PPP1R21: variants seen among roughly 807,000 people sequenced by gnomAD.
PPP1R21 encodes the protein protein phosphatase 1 regulatory subunit 21, also known as KLRAQ motif containing 1.
Under a neutral mutation model 112.8 loss-of-function variants are expected in PPP1R21, and 85 were observed. The ratio of observed to expected loss-of-function variants is 0.75; its 90% CI spans 0.63 to 0.90. The LOEUF (loss-of-function observed/expected upper bound fraction) is 0.90. PPP1R21 is among the 40% of genes least tolerant of loss of function. The pLI is 0.00. For synonymous variants in PPP1R21, 381 were observed against 322.3 expected (o/e 1.18, Z -1.95); for missense variants, 1,199 against 901.5 (o/e 1.33, Z -4.23).
chr2:48,480,391 C>G (rs1191586172), intron 13 of PPP1R21, among the ~76,000 whole-genome samples: 1 of 152,222 alleles, frequency 6.6e-6, no homozygotes, highest in Non-Finnish European at 1.5e-5. Context: ...ACCAAGGCTT[C>G]AAGTCCCCAG....
In PPP1R21 at chr2:48,474,584, C is replaced by T. The variant is rs541243936; in HGVS notation, c.1089-99C>T. On this transcript the variant is annotated intron_variant, in intron 11 of 21. Coordinates refer to ENST00000294952, the MANE Select transcript of PPP1R21 (RefSeq NM_001135629.3). ...GATCAAATTCTTTTTTCTGCAATAT[C>T]TCTCTTTGGATATAGTTGTTTGAGA... The T allele has an allele frequency of 5.2e-5, 56 of 1,076,536 alleles. No individual in the cohort carries two copies. In the East Asian group the frequency reaches 1.3e-3, roughly 25 times the overall value. The allele number at this position is 1,076,536 out of a possible 1,614,324, so 66.7% of individuals were successfully genotyped here.
At chr2:48,478,015 A>G (rs1365753570) in intron 12 of PPP1R21, among the ~76,000 whole-genome samples, 1 of 152,256 alleles carries the variant, frequency 6.6e-6, no homozygotes, top group Non-Finnish European at 1.5e-5. Context: ...AGAGACACAC[A>G]GAATCTGGAG....
chr2:48,504,935 A>G (rs561735887), intron 17 of PPP1R21, among the ~76,000 whole-genome samples: 53 of 152,306 alleles, frequency 3.5e-4, no homozygotes, highest in African/African-American at 1.3e-3. Flanking sequence ...TTGACGCTGC[A>G]GTAAGCTATG....
chr2:48,514,399 ACT>A (rs1670779508), intron 21 of PPP1R21, among the ~76,000 whole-genome samples: 1 of 151,630 alleles, frequency 6.6e-6, no homozygotes, highest in Non-Finnish European at 1.5e-5. Context: ...GAAATCTTAG[ACT>A]CTCTTGTCTT....
At position 48,495,235 on chromosome 2, in the gene PPP1R21, GCT is replaced by G. The variant is rs1385874187; in HGVS notation, c.1600-441_1600-440del. Among the ~76,000 whole-genome samples, 4 of 151,368 alleles carry G rather than the reference GCT, an allele frequency of 2.6e-5. No individual in the cohort carries two copies. In the East Asian group the frequency reaches 7.8e-4, roughly 29 times the overall value. On this transcript the variant is annotated intron_variant, in intron 15 of 21. Transcript: ENST00000294952. ...TTTTTTCTTTTTGAGACGGAGTCTCGCTCTGTTGTCCAGGCTAGAGTGCAATG... is the reference window on the plus strand; with the variant it reads ...TTTTTTCTTTTTGAGACGGAGTCTCGCTGTTGTCCAGGCTAGAGTGCAATG...
At chr2:48,489,128 C>G (rs376262383) in intron 14 of PPP1R21, among the ~76,000 whole-genome samples, 2 of 152,168 alleles carry the variant, frequency 1.3e-5, no homozygotes, top group South Asian at 4.1e-4. Context: ...GTAGAATACT[C>G]TGTTTTACAG....
intron 11 of PPP1R21, among the ~76,000 whole-genome samples, chr2:48,473,128 ATCT>A (rs1296108777): frequency 1.3e-5 from 2 of 151,684 alleles, no homozygotes; most frequent in African/African-American, 2.4e-5. Flanking sequence ...ATTAAGAGAC[ATCT>A]TCTTTCCTAA....
intron 14 of PPP1R21, among the ~76,000 whole-genome samples, chr2:48,488,593 A>G (rs1572876748): frequency 6.6e-6 from 1 of 152,258 alleles, no homozygotes; most frequent in Non-Finnish European, 1.5e-5. Context: ...GATGGTCTCA[A>G]TCTCCTGAGA....
intron 3 of PPP1R21, among the ~76,000 whole-genome samples, chr2:48,457,054 A>C (rs1020642964): frequency 2.0e-5 from 3 of 151,986 alleles, no homozygotes; most frequent in African/African-American, 4.8e-5. Context: ...TCCCTCTCAA[A>C]AAAAAAAAGA....
At chr2:48,443,747 A>G (rs1263985730) in intron 1 of PPP1R21, among the ~76,000 whole-genome samples, 1 of 152,206 alleles carries the variant, frequency 6.6e-6, no homozygotes, top group Non-Finnish European at 1.5e-5. Flanking sequence ...TCTAGATAAG[A>G]TCTATGCTCT....
intron 9 of PPP1R21, among the ~76,000 whole-genome samples, chr2:48,469,322 TATATATATAGAGCATATATATATATAGCA>T (rs1668361733): frequency 3.6e-5 from 1 of 27,508 alleles, no homozygotes; most frequent in African/African-American, 2.3e-4. Context: ...CACACACACA[TATATATATAGAGCATATATATATATAGCA>T]TATATATATA....
intron 1 of PPP1R21, among the ~76,000 whole-genome samples, chr2:48,445,319 G>A (rs757870797): frequency 6.6e-6 from 1 of 152,096 alleles, no homozygotes; most frequent in Admixed American, 6.5e-5. Context: ...TGCTTGAAAC[G>A]TAGCTAGTGT....
At chr2:48,470,346 C>G (rs148368412) in intron 9 of PPP1R21, among the ~76,000 whole-genome samples, 1,518 of 151,772 alleles carry the variant, frequency 0.01, 27 homozygotes, top group African/African-American at 0.035. Context: ...GGTGAAAGCC[C>G]GTCTCTACTA....
rs780909436 is a variant in PPP1R21 at position 48,498,555 on chromosome 2, A to G, written c.1755A>G (p.Glu585=). The change falls in exon 17 of 22, where the codon GAA becomes GAG. Residue 585 remains glutamate (E), a synonymous_variant. Coordinates refer to ENST00000294952, the MANE Select transcript of PPP1R21 (RefSeq NM_001135629.3). ...AGGAAAAAGAACATTGGATGTTGGA[A>G]GCACAATTAGCCAAAATCAAGCTAG... ...LEQEKEHWML[E]AQLAKIKLEK... is the part of the protein sequence containing the mutation. 6.2e-7 allele frequency: 1 copy of G among 1,614,196 alleles called. No individual in the cohort carries two copies. The highest frequency in any genetic ancestry group is 1.7e-5 in the Admixed American group (1 of 60,032).
intron 21 of PPP1R21, among the ~76,000 whole-genome samples, chr2:48,513,639 C>A (rs1050541819): frequency 6.6e-6 from 1 of 152,096 alleles, no homozygotes; most frequent in South Asian, 2.1e-4. Flanking sequence ...TTGCTTTTCC[C>A]CCATTTAGTA....
At position 48,443,595 on chromosome 2, in the gene PPP1R21, G is replaced by A. The variant is rs577173487; in HGVS notation, c.57+2585G>A. ...GACTGTAGGAGGCCTGCCAGACTTG[G>A]GGTCATCTCCCCTATTGGACCAGGC... On this transcript the variant is annotated intron_variant, in intron 1 of 21. Coordinates refer to ENST00000294952, the MANE Select transcript of PPP1R21 (RefSeq NM_001135629.3). Among the ~76,000 whole-genome samples, 5 of 152,290 alleles carry A rather than the reference G, an allele frequency of 3.3e-5. No homozygotes were observed. In the South Asian group the frequency reaches 8.3e-4, roughly 25 times the overall value.
At chr2:48,445,677 G>A (rs1411981196) in intron 1 of PPP1R21, among the ~76,000 whole-genome samples, 1 of 152,218 alleles carries the variant, frequency 6.6e-6, no homozygotes, top group Admixed American at 6.5e-5. Context: ...AACTGCAAGG[G>A]TTGGGGTTTT....
At chr2:48,492,054 A>G (rs1416245477) in intron 15 of PPP1R21, among the ~76,000 whole-genome samples, 1 of 152,198 alleles carries the variant, frequency 6.6e-6, no homozygotes, top group Non-Finnish European at 1.5e-5. Flanking sequence ...TCACTGTTAC[A>G]GTGGAGTGCT....
chr2:48,509,911 T>C (rs977439592), intron 19 of PPP1R21, 104 bp from the exon 20 acceptor site: 17 of 658,916 alleles, frequency 2.6e-5, no homozygotes, highest in Non-Finnish European at 4.2e-5. Flanking sequence ...GTGGAATGAA[T>C]GAGTAGCTTT....
Sources: gnomAD v4.1 joint callset for allele counts (sites outside exome capture counted in the v4.1 genomes callset) on GRCh38, gnomAD v4.1.1 for gene constraint, MANE v1.5 for transcripts, NCBI Gene and HGNC (gene_info 2026-07-23, HGNC 2026-07-21) for gene names.